Variants in SLC8A1 observed in about 807,000 individuals in gnomAD.
SLC8A1 encodes solute carrier family 8 member A1, also known as sodium/calcium exchanger 1.
In SLC8A1, 18 loss-of-function variants were observed where a neutral mutation model predicts 68.3. The ratio of observed to expected loss-of-function variants is 0.26; its 90% CI spans 0.18 to 0.39. The LOEUF is 0.39. Among genes scored for constraint, SLC8A1 ranks in the 10% least tolerant of loss-of-function variants. The pLI, the probability that SLC8A1 is intolerant of heterozygous loss-of-function variation, is 1.00. For synonymous variants in SLC8A1, 475 were observed against 415.5 expected (o/e 1.14, Z -1.74); for missense variants, 985 against 1,156.7 (o/e 0.85, Z 2.15).
chr2:40,157,245 A>G (rs2044711134), intron 6 of SLC8A1, among the ~76,000 whole-genome samples: 1 of 152,210 alleles, frequency 6.6e-6, no homozygotes, highest in African/African-American at 2.4e-5. Flanking sequence ...GTGAAAATGC[A>G]TACGGTTTAA....
intron 1 of SLC8A1, among the ~76,000 whole-genome samples, chr2:40,430,778 C>G (rs760927430): frequency 2.0e-5 from 3 of 152,048 alleles, no homozygotes; most frequent in Non-Finnish European, 4.4e-5. Flanking sequence ...CCAAAAGCAC[C>G]TTATTACAAT....
At chr2:40,310,640 G>A (rs1457270408) in intron 2 of SLC8A1, among the ~76,000 whole-genome samples, 1 of 152,130 alleles carries the variant, frequency 6.6e-6, no homozygotes, top group Admixed American at 6.6e-5. Flanking sequence ...ATATTCTTTA[G>A]CACCATGGTT....
chr2:40,108,351 A>C (rs2125045606), exon 8 of SLC8A1: 1 of 152,326 alleles, frequency 6.6e-6, no homozygotes, highest in South Asian at 2.1e-4. Flanking sequence ...TTCATATAAA[A>C]CCTGCGAATA....
chr2:40,338,339 G>A (rs929080140), intron 2 of SLC8A1, among the ~76,000 whole-genome samples: 1 of 152,150 alleles, frequency 6.6e-6, no homozygotes, highest in African/African-American at 2.4e-5. Context: ...CAGTGTGTGT[G>A]TGTATATATG....
At chr2:40,183,612 T>G (rs1244072028) in intron 2 of SLC8A1, among the ~76,000 whole-genome samples, 1 of 152,148 alleles carries the variant, frequency 6.6e-6, no homozygotes, top group Admixed American at 6.5e-5. Context: ...CCACAGAATC[T>G]GCATTTTAAC....
Position 40,302,225 on chromosome 2 carries a change from C to A in SLC8A1, c.1809-124370G>T, listed in dbSNP as rs553177962. ...ATTTGTAGTCTTTTATCCCTCACTT[C>A]CCTCCTACCCTTCCCTCCAAGTCCC... On this transcript the variant is annotated intron_variant, in intron 2 of 7. Coordinates refer to ENST00000406785, the Ensembl canonical transcript of SLC8A1. Among the ~76,000 whole-genome samples the A allele has an allele frequency of 2.4e-4, 36 of 152,098 alleles. No individual in the cohort carries two copies. The South Asian group carries it at 7.3e-3, about 31-fold the overall frequency.
chr2:40,199,334 G>A (rs1424168975), intron 2 of SLC8A1, among the ~76,000 whole-genome samples: 1 of 151,592 alleles, frequency 6.6e-6, no homozygotes, highest in Non-Finnish European at 1.5e-5. Context: ...ATGAAGCTTG[G>A]CAGGCGTGGT....
intron 1 of SLC8A1, among the ~76,000 whole-genome samples, chr2:40,481,310 C>T (rs901320690): frequency 2.3e-4 from 35 of 152,118 alleles, no homozygotes; most frequent in Non-Finnish European, 1.6e-4. Context: ...CAAATTAATG[C>T]CATATTTATT....
chr2:40,453,792 G>C (rs1237000324), upstream of SLC8A1, among the ~76,000 whole-genome samples: 2 of 152,190 alleles, frequency 1.3e-5, no homozygotes, highest in African/African-American at 4.8e-5. Flanking sequence ...AGCAGGCCTG[G>C]GGTAGGCAAG....
At chr2:40,178,301 A>G in intron 2 of SLC8A1, 86 bp downstream of exon 3, 1 of 971,144 alleles carries the variant, frequency 1.0e-6, no homozygotes, top group Non-Finnish European at 1.6e-6. Context: ...TGTGCATTGT[A>G]AGTCATGTTC....
At chr2:40,359,547 GA>G (rs1296362169) in intron 2 of SLC8A1, among the ~76,000 whole-genome samples, 1 of 152,080 alleles carries the variant, frequency 6.6e-6, no homozygotes, top group Admixed American at 6.6e-5. Context: ...AGGCAATGGA[GA>G]AAAATGATCT....
chr2:40,246,543 C>T (rs955497569), intron 2 of SLC8A1, among the ~76,000 whole-genome samples: 1 of 152,192 alleles, frequency 6.6e-6, no homozygotes, highest in African/African-American at 2.4e-5. Flanking sequence ...GGTAATCACT[C>T]TGCTCAGGAC....
exon 2 of SLC8A1, chr2:40,430,249 G>T (rs761802445): frequency 6.2e-7 from 1 of 1,612,740 alleles, no homozygotes; most frequent in African/African-American, 1.3e-5. Flanking sequence ...TGAAAAGGTG[G>T]GTGAAAGACT....
intron 2 of SLC8A1, among the ~76,000 whole-genome samples, chr2:40,234,745 A>T (rs1381444651): frequency 6.6e-6 from 1 of 152,070 alleles, no homozygotes; most frequent in Non-Finnish European, 1.5e-5. Context: ...TTTGTCATAG[A>T]TAGCTCTTAT....
At chr2:40,252,926 CATGTAT>C (rs2063069377) in intron 2 of SLC8A1, among the ~76,000 whole-genome samples, 1 of 114,794 alleles carries the variant, frequency 8.7e-6, no homozygotes, top group South Asian at 2.3e-4. Context: ...TATATACATA[CATGTAT>C]ATGTATGTAC....
At chr2:40,161,915 G>A (rs1156858461) in intron 5 of SLC8A1, among the ~76,000 whole-genome samples, 1 of 152,182 alleles carries the variant, frequency 6.6e-6, no homozygotes, top group African/African-American at 2.4e-5. Flanking sequence ...GTGGACTATG[G>A]TTTAAGAGAG....
intron 1 of SLC8A1, among the ~76,000 whole-genome samples, chr2:40,500,708 G>C (rs1173395268): frequency 6.7e-6 from 1 of 148,454 alleles, no homozygotes; most frequent in African/African-American, 2.5e-5. Context: ...ATTATTAATA[G>C]CTCCCTCTTT....
chr2:40,394,511 G>C (rs529173341), intron 2 of SLC8A1, among the ~76,000 whole-genome samples: 1 of 151,900 alleles, frequency 6.6e-6, no homozygotes, highest in African/African-American at 2.4e-5. Flanking sequence ...CAAGCAAATG[G>C]CAGATTTGGT....
At chr2:40,391,414 T>G (rs560956752) in intron 2 of SLC8A1, among the ~76,000 whole-genome samples, 4 of 152,044 alleles carry the variant, frequency 2.6e-5, no homozygotes, top group Non-Finnish European at 5.9e-5. Flanking sequence ...TTCTGGAAGC[T>G]CTAATCTCCT....
Sources: gnomAD v4.1 joint callset for allele counts (sites outside exome capture counted in the v4.1 genomes callset) on GRCh38, gnomAD v4.1.1 for gene constraint, MANE v1.5 for transcripts, NCBI Gene and HGNC (gene_info 2026-07-23, HGNC 2026-07-21) for gene names.